Variants in PIGL observed in about 807,000 individuals in gnomAD.
The protein encoded by PIGL is phosphatidylinositol glycan anchor biosynthesis class L.
In PIGL, 22 loss-of-function variants were observed where a neutral mutation model predicts 31.1. The observed-to-expected ratio is 0.71, with a 90% CI of 0.51 to 1.01. PIGL has a LOEUF of 1.01. Among genes scored for constraint, PIGL ranks in the 50% least tolerant of loss-of-function variants. The pLI, the probability that PIGL is intolerant of heterozygous loss-of-function variation, is 0.00. For synonymous variants in PIGL, 131 were observed against 117.4 expected (o/e 1.12, Z -0.75); for missense variants, 302 against 315.9 (o/e 0.96, Z 0.33).
chr17:16,222,798 G>A lies in PIGL; in HGVS notation c.235+5337G>A, dbSNP rs575060845. ...AGGCCGAGACAGGTGCATCACGTGA[G>A]GTCAGGAGTTCCAGACCAGCCTGGC... On this transcript the variant is annotated intron_variant, in intron 1 of 6. Transcript: ENST00000225609. Among the ~76,000 whole-genome samples the A allele has an allele frequency of 2.2e-4, 34 of 151,354 alleles. 1 individual carries two copies. In the South Asian group the frequency reaches 6.7e-3, roughly 30 times the overall value.
At chr17:16,267,742 C>T (rs756977021) in intron 2 of PIGL, among the ~76,000 whole-genome samples, 3 of 151,700 alleles carry the variant, frequency 2.0e-5, no homozygotes, top group Non-Finnish European at 4.4e-5. Flanking sequence ...GAAATTAACC[C>T]GAATTTGTGG....
chr17:16,246,145 A>G (rs547169493), intron 2 of PIGL, among the ~76,000 whole-genome samples: 30 of 151,782 alleles, frequency 2.0e-4, no homozygotes, highest in African/African-American at 6.0e-4. Context: ...TTTTTTATAT[A>G]TCACATGAAG....
intron 2 of PIGL, among the ~76,000 whole-genome samples, chr17:16,293,956 A>T (rs113254667): frequency 6.6e-6 from 1 of 152,184 alleles, no homozygotes; most frequent in Non-Finnish European, 1.5e-5. Context: ...GCCTTGTCCA[A>T]TGAGAGATCT....
At position 16,231,428 on chromosome 17, in the gene PIGL, CAG is replaced by C. The variant is rs566830779; in HGVS notation, c.236-2542_236-2541del. The stretch of plus-strand genomic sequence containing the variant: ...TTTTAAAATTTTTCTTTTGTGAAAA[CAG>C]GGTCTCACTATGTTGACCAGGCTGG... On this transcript the variant is annotated intron_variant, in intron 1 of 6. Transcript: ENST00000225609. Among the ~76,000 whole-genome samples the C allele has an allele frequency of 6.6e-3, 1,009 of 151,800 alleles. 12 individuals are homozygous for C. The highest frequency in any genetic ancestry group is 8.0e-3 in the Non-Finnish European group (546 of 67,928).
intron 6 of PIGL, among the ~76,000 whole-genome samples, chr17:16,323,738 G>C (rs2093115799): frequency 6.7e-6 from 1 of 148,242 alleles, no homozygotes. Flanking sequence ...TCAGCCTCCT[G>C]CGTAGCTGGG....
At chr17:16,223,290 C>T (rs1480302633) in intron 1 of PIGL, among the ~76,000 whole-genome samples, 2 of 152,006 alleles carry the variant, frequency 1.3e-5, no homozygotes, top group African/African-American at 4.8e-5. Context: ...TTAGAAAGCT[C>T]ATTCTTGGCC....
At chr17:16,260,101 A>G (rs1366413599) in intron 2 of PIGL, among the ~76,000 whole-genome samples, 1 of 152,182 alleles carries the variant, frequency 6.6e-6, no homozygotes, top group African/African-American at 2.4e-5. Context: ...GGCAGAGATG[A>G]GCACAAGTGG....
rs768570586 is a variant in PIGL, at chr17:16,234,076, A to G, written c.335+6A>G. On this transcript the variant is annotated splice_donor_region_variant and intron_variant, in intron 2 of 6. Coordinates refer to ENST00000225609, the MANE Select transcript of PIGL (RefSeq NM_004278.4). ...GTAATGATTATTGACAACAGGTAAT[A>G]TATCTTTTAACAATGTAGAAATTTA... 6.9e-7 allele frequency: 1 copy of G among 1,457,000 alleles called. No individual in the cohort carries two copies. The highest frequency in any genetic ancestry group is 1.7e-4 in the Middle Eastern group (1 of 5,742). 90.3% of individuals were successfully genotyped at this position (1,457,000 alleles called of 1,614,324 possible).
intron 4 of PIGL, 84 bp from the exon 5 acceptor site, chr17:16,316,597 C>A: frequency 7.4e-7 from 1 of 1,357,782 alleles, no homozygotes; most frequent in African/African-American, 1.4e-5. Flanking sequence ...ATGGGCATGG[C>A]AGCCTTTCCT....
intron 2 of PIGL, among the ~76,000 whole-genome samples, chr17:16,263,558 T>A (rs548785397): frequency 6.6e-6 from 1 of 152,068 alleles, no homozygotes; most frequent in East Asian, 1.9e-4. Flanking sequence ...GAAGTCTCGC[T>A]CTGTTGCCCA....
chr17:16,251,497 C>T (rs2092771669), intron 2 of PIGL, among the ~76,000 whole-genome samples: 1 of 151,718 alleles, frequency 6.6e-6, no homozygotes, highest in Non-Finnish European at 1.5e-5. Context: ...GCTCTATTTT[C>T]CCCTTGTTCT....
intron 2 of PIGL, among the ~76,000 whole-genome samples, chr17:16,240,834 C>G (rs1004320214): frequency 1.3e-5 from 2 of 150,976 alleles, no homozygotes; most frequent in Non-Finnish European, 3.0e-5. Flanking sequence ...ATAGGCCGGG[C>G]ATGGTGGCTC....
chr17:16,256,720 A>C (rs550784089), intron 2 of PIGL, among the ~76,000 whole-genome samples: 1 of 130,492 alleles, frequency 7.7e-6, no homozygotes, highest in South Asian at 2.4e-4. Context: ...TTTGTTTTTG[A>C]GACAGGGTAT....
chr17:16,249,641 G>A (rs1306555027), intron 2 of PIGL, among the ~76,000 whole-genome samples: 3 of 152,210 alleles, frequency 2.0e-5, no homozygotes. Flanking sequence ...GAGGGCCTGA[G>A]AAACAAGCAG....
At chr17:16,221,953 C>G (rs1013232693) in intron 1 of PIGL, among the ~76,000 whole-genome samples, 1 of 152,002 alleles carries the variant, frequency 6.6e-6, no homozygotes, top group Non-Finnish European at 1.5e-5. Flanking sequence ...AGGGTTTCAC[C>G]TTGTTGGCCA....
At chr17:16,324,933 T>C (rs1490180358) in intron 6 of PIGL, among the ~76,000 whole-genome samples, 2 of 152,182 alleles carry the variant, frequency 1.3e-5, no homozygotes, top group Non-Finnish European at 2.9e-5. Context: ...CTGATAGTGA[T>C]TGGACCTCCC....
chr17:16,267,772 T>A (rs2092851326), intron 2 of PIGL, among the ~76,000 whole-genome samples: 1 of 151,976 alleles, frequency 6.6e-6, no homozygotes, highest in Non-Finnish European at 1.5e-5. Context: ...TGGCAATTAG[T>A]CTTTCTTTGA....
In PIGL at chr17:16,253,820, G is replaced by A. The variant is rs531487746; in HGVS notation, c.335+19750G>A. On this transcript the variant is annotated intron_variant, in intron 2 of 6. Transcript: ENST00000225609. ...AATTAGCCAGGCATGCTGCACACCA[G>A]TAGTTCTAGGAACTTAGGAGGCTGA... Among the ~76,000 whole-genome samples the A allele has an allele frequency of 3.9e-5, 6 of 152,144 alleles. No homozygotes were observed. In the South Asian group the frequency reaches 1.2e-3, roughly 32 times the overall value.
intron 6 of PIGL, among the ~76,000 whole-genome samples, chr17:16,321,856 C>T (rs1206555104): frequency 6.6e-6 from 1 of 151,836 alleles, no homozygotes; most frequent in Admixed American, 6.6e-5. Flanking sequence ...GCAATCTCGG[C>T]TCACCTCAAC....
Sources: allele counts gnomAD v4.1 joint callset (sites outside exome capture counted in the v4.1 genomes callset), GRCh38; gene constraint gnomAD v4.1.1; transcripts MANE v1.5; gene names NCBI Gene and HGNC (gene_info 2026-07-23, HGNC 2026-07-21).